The following IL12RB2 variants were observed in gnomAD, a reference collection of about 807,000 sequenced individuals.
The protein encoded by IL12RB2 is interleukin 12 receptor subunit beta 2.
Under a neutral mutation model 89.4 loss-of-function variants are expected in IL12RB2, and 82 were observed. The ratio of observed to expected loss-of-function variants is 0.92; its 90% CI spans 0.77 to 1.10. The LOEUF is 1.10. IL12RB2 is among the 50% of genes least tolerant of loss of function. IL12RB2 has a pLI of 0.00. For synonymous variants in IL12RB2, 368 were observed against 370.1 expected (o/e 0.99, Z 0.07); for missense variants, 963 against 1,031.9 (o/e 0.93, Z 0.92).
At chr1:67,357,809 A>G (rs994447860) in intron 10 of IL12RB2, among the ~76,000 whole-genome samples, 4 of 152,220 alleles carry the variant, frequency 2.6e-5, no homozygotes, top group Non-Finnish European at 4.4e-5. Flanking sequence ...TGAGAGGAAG[A>G]CTAGGGGTGA....
At chr1:67,319,003 G>T (rs1280846218) in intron 2 of IL12RB2, among the ~76,000 whole-genome samples, 2 of 152,192 alleles carry the variant, frequency 1.3e-5, no homozygotes, top group Non-Finnish European at 2.9e-5. Flanking sequence ...TTTCCTGAAT[G>T]ATGGCTAGGC....
chr1:67,361,588 A>G (rs1662045803), intron 10 of IL12RB2, among the ~76,000 whole-genome samples: 1 of 152,230 alleles, frequency 6.6e-6, no homozygotes, highest in African/African-American at 2.4e-5. Flanking sequence ...AGATATGTCA[A>G]TAGAAACCGC....
intron 1 of IL12RB2, among the ~76,000 whole-genome samples, chr1:67,310,610 T>C (rs1381313053): frequency 6.6e-6 from 1 of 152,240 alleles, no homozygotes; most frequent in African/African-American, 2.4e-5. Flanking sequence ...ACTGCCTTTT[T>C]TCTTATAATA....
At chr1:67,327,112 C>A (rs1265274666) in intron 5 of IL12RB2, among the ~76,000 whole-genome samples, 1 of 151,850 alleles carries the variant, frequency 6.6e-6, no homozygotes, top group Non-Finnish European at 1.5e-5. Context: ...AGGCACCCAC[C>A]ACCACGCCCA....
intron 10 of IL12RB2, among the ~76,000 whole-genome samples, chr1:67,358,940 G>A (rs541707748): frequency 2.0e-5 from 3 of 152,092 alleles, no homozygotes; most frequent in South Asian, 4.2e-4. Context: ...CCAGGAGTTC[G>A]AGACCAGCCT....
At chr1:67,368,889 T>C (rs1030745137) in intron 11 of IL12RB2, among the ~76,000 whole-genome samples, 5 of 152,226 alleles carry the variant, frequency 3.3e-5, no homozygotes, top group African/African-American at 1.2e-4. Flanking sequence ...CAATGCCTAA[T>C]ATATTTTAAG....
At chr1:67,339,697 C>T (rs576970177) in intron 9 of IL12RB2, among the ~76,000 whole-genome samples, 20 of 152,162 alleles carry the variant, frequency 1.3e-4, no homozygotes, top group South Asian at 2.1e-4. Flanking sequence ...AGTACTGGTA[C>T]GCCCACTTAC....
At chr1:67,387,675 C>A (rs1485975570) in intron 15 of IL12RB2, among the ~76,000 whole-genome samples, 2 of 135,178 alleles carry the variant, frequency 1.5e-5, no homozygotes, top group Non-Finnish European at 3.1e-5. Flanking sequence ...CTGCACTCCA[C>A]CCTGGCAACA....
At chr1:67,355,186 G>A (rs1451547365) in intron 10 of IL12RB2, among the ~76,000 whole-genome samples, 1 of 152,170 alleles carries the variant, frequency 6.6e-6, no homozygotes, top group African/African-American at 2.4e-5. Flanking sequence ...GGCCGAGGCA[G>A]GTAGATCACT....
rs1315650090 is a variant in IL12RB2, at chr1:67,396,279, T to A, written c.*190T>A. On this transcript the variant is annotated 3_prime_UTR_variant, in exon 17 of 17. Transcript: ENST00000674203. ...AGTTGGTCTTCACTCAGATGCCTCA[T>A]CTTGCCTTTCCCAGGGCCTTAAAAT... 1.5e-6 allele frequency: 1 copy of A among 673,190 alleles called. No individual in the cohort carries two copies. Among genetic ancestry groups the A allele is most frequent in the East Asian group, 2.6e-5 (1 of 38,316 alleles). The allele number at this position is 673,190 out of a possible 1,614,324, so 41.7% of individuals were successfully genotyped here.
chr1:67,366,142 G>A (rs1275891339), intron 10 of IL12RB2, among the ~76,000 whole-genome samples: 1 of 152,038 alleles, frequency 6.6e-6, no homozygotes, highest in African/African-American at 2.4e-5. Context: ...ATGAAAAGAA[G>A]CTTAGCTTCA....
intron 10 of IL12RB2, among the ~76,000 whole-genome samples, 183 bp from the exon 11 acceptor site, chr1:67,367,639 ATGT>A (rs1297165353): frequency 3.3e-5 from 5 of 152,286 alleles, no homozygotes; most frequent in East Asian, 1.9e-4. Context: ...GAACAAGCTG[ATGT>A]TGTTAGTTCT....
rs751476395 is a variant in IL12RB2, at chr1:67,390,118, C to A, written c.2036C>A (p.Pro679His). 2.6e-6 allele frequency: 3 copies of A among 1,160,878 alleles called. No individual in the cohort carries two copies. The highest frequency in any genetic ancestry group is 3.9e-6 in the Non-Finnish European group (3 of 765,460). The allele number at this position is 1,160,878 out of a possible 1,614,324, so 71.9% of individuals were successfully genotyped here. Residue 679 changes from proline to histidine, a missense_variant, in exon 16 of 17, where the codon CCC (proline) becomes CAC (histidine). Physicochemically the swap from Pro to His is moderately conservative, Grantham distance 77. Transcript: ENST00000674203. Reference sequence around the variant, plus strand: ...AATAGCACTTGCGCTAAGAAATATCCCATTGCAGAGGTAAGGTACAATTCC... The same window carrying A: ...AATAGCACTTGCGCTAAGAAATATCACATTGCAGAGGTAAGGTACAATTCC... Reference protein sequence around the residue: ...PANSTCAKKYPIAEEKTQLPL... With the variant: ...PANSTCAKKYHIAEEKTQLPL...
chr1:67,364,046 G>C lies in IL12RB2; in HGVS notation c.1259-3779G>C, dbSNP rs77259113. Among the ~76,000 whole-genome samples, 516 of 152,240 alleles carry C rather than the reference G, an allele frequency of 3.4e-3. 4 individuals are homozygous for C. The highest frequency in any genetic ancestry group is 0.011 in the African/African-American group (454 of 41,538). The stretch of plus-strand genomic sequence containing the variant: ...AATTACAAAACAAATAGTCAAAGTG[G>C]ATAAAAAACAAGACCCAACTATAGT... On this transcript the variant is annotated intron_variant, in intron 10 of 16. Transcript: ENST00000674203.
intron 13 of IL12RB2, among the ~76,000 whole-genome samples, chr1:67,373,845 G>A (rs1663636670): frequency 6.6e-6 from 1 of 152,206 alleles, no homozygotes; most frequent in Non-Finnish European, 1.5e-5. Context: ...AGATGCAGCT[G>A]CCAGAGAGCT....
intron 1 of IL12RB2, among the ~76,000 whole-genome samples, chr1:67,308,513 G>C (rs1285503151): frequency 1.3e-5 from 2 of 152,110 alleles, no homozygotes; most frequent in South Asian, 4.1e-4. Flanking sequence ...GTCCCTGCCT[G>C]GCCAGTTACT....
At chr1:67,380,617 A>G (rs1041982379) in intron 14 of IL12RB2, among the ~76,000 whole-genome samples, 1 of 152,234 alleles carries the variant, frequency 6.6e-6, no homozygotes, top group Admixed American at 6.5e-5. Flanking sequence ...GGGCTGCTGT[A>G]ACGAAGCACC....
intron 2 of IL12RB2, among the ~76,000 whole-genome samples, chr1:67,315,496 G>T (rs1480038882): frequency 6.6e-6 from 1 of 152,142 alleles, no homozygotes; most frequent in African/African-American, 2.4e-5. Context: ...AAATTTTAAT[G>T]CAGCAGCTAA....
intron 10 of IL12RB2, among the ~76,000 whole-genome samples, chr1:67,367,515 G>C (rs17838059): frequency 4.5e-4 from 59 of 131,422 alleles, no homozygotes; most frequent in Non-Finnish European, 8.8e-4. Flanking sequence ...AAGGAAGGAA[G>C]GGGGAGGGAG....
Sources: allele counts gnomAD v4.1 joint callset (sites outside exome capture counted in the v4.1 genomes callset), GRCh38; gene constraint gnomAD v4.1.1; transcripts MANE v1.5; gene names NCBI Gene and HGNC (gene_info 2026-07-23, HGNC 2026-07-21).